SH3BP4: variants seen among roughly 807,000 people sequenced by gnomAD.
SH3BP4 encodes SH3 domain-binding protein 4.
In SH3BP4, 33 loss-of-function variants were observed where a neutral mutation model predicts 65.5. The ratio of observed to expected loss-of-function variants is 0.50; its 90% confidence interval spans 0.38 to 0.67. SH3BP4 has a LOEUF of 0.67. SH3BP4 is among the 30% of genes least tolerant of loss of function. The probability of loss-of-function intolerance (pLI) is 0.00; values close to 1 mark genes in which losing one functional copy is unlikely to be tolerated. For synonymous variants in SH3BP4, 552 were observed against 545.5 expected, an observed-to-expected ratio of 1.01 and a Z score of -0.17; for missense variants, 1,134 against 1,261.4, an observed-to-expected ratio of 0.90 and a Z score of 1.53.
intron 1 of SH3BP4, among the ~76,000 whole-genome samples, chr2:234,987,374 G>A (rs1693595079): frequency 6.6e-6 from 1 of 151,990 alleles, no homozygotes; most frequent in Admixed American, 6.6e-5. Flanking sequence ...TCTACAGGCT[G>A]GAAGAAAAAT....
In SH3BP4 at chr2:235,045,415, A is replaced by C. The variant is rs1048985533; in HGVS notation, c.2478+2168A>C. On this transcript the variant is annotated intron_variant, in intron 4 of 5. Transcript: ENST00000392011. The surrounding 1 kb of genome is among the most constrained non-coding windows in gnomAD (Gnocchi z 4.3). ...AGACATAAATGATCAAACTCTCTCA[A>C]TTCGATTGGTGAGCATCTCTGGGAG... Among the ~76,000 whole-genome samples, 1 of 151,986 alleles carries C rather than the reference A, an allele frequency of 6.6e-6. No individual in the cohort carries two copies. Among genetic ancestry groups the C allele is most frequent in the African/African-American group, 2.4e-5 (1 of 41,384 alleles).
At position 234,969,957 on chromosome 2, in the gene SH3BP4, TCA is replaced by T. The variant is rs879747581; in HGVS notation, c.-207+17799_-207+17800del. Among the ~76,000 whole-genome samples the T allele has an allele frequency of 3.5e-4, 48 of 136,814 alleles. No homozygotes were observed. The South Asian group carries it at 5.6e-3, about 16-fold the overall frequency. 89.8% of individuals were successfully genotyped at this position (136,814 alleles called of 152,430 possible). ...TGCATACACACACACTCCCTGTCTC[TCA>T]CACACACACACTCTCACACACACTC... is the stretch of plus-strand genomic sequence containing the variant. On this transcript the variant is annotated intron_variant, in intron 1 of 5. Coordinates refer to ENST00000392011, the MANE Select transcript of SH3BP4 (RefSeq NM_014521.3).
In SH3BP4 at chr2:235,045,507, C is replaced by T. The variant is rs981889369; in HGVS notation, c.2478+2260C>T. Among the ~76,000 whole-genome samples the T allele has an allele frequency of 1.3e-4, 20 of 152,170 alleles. No homozygotes were observed. The highest frequency in any genetic ancestry group is 2.9e-4 in the African/African-American group (12 of 41,502). On this transcript the variant is annotated intron_variant, in intron 4 of 5. Transcript: ENST00000392011. This position sits in a 1 kb window ranked among gnomAD's most constrained non-coding sequence, Gnocchi z 4.3. The stretch of plus-strand genomic sequence containing the variant: ...TGTGTCCTCTGTGCCCGAGTCCTTC[C>T]GCTACCCAGAAAGGAGGAAGTGAAA...
intron 2 of SH3BP4, among the ~76,000 whole-genome samples, chr2:235,009,427 C>T (rs1021945650): frequency 2.0e-5 from 3 of 152,140 alleles, no homozygotes; most frequent in African/African-American, 7.2e-5. Context: ...GGAGAGGGGC[C>T]GTGGTGTGGT....
At chr2:234,993,760 C>T (rs536142899) in intron 1 of SH3BP4, among the ~76,000 whole-genome samples, 1 of 152,332 alleles carries the variant, frequency 6.6e-6, no homozygotes, top group Admixed American at 6.5e-5. Flanking sequence ...CTCTGAGCAA[C>T]ATGGTAGACC....
intron 1 of SH3BP4, among the ~76,000 whole-genome samples, chr2:234,953,447 C>A: frequency 6.6e-6 from 1 of 152,154 alleles, no homozygotes; most frequent in East Asian, 1.9e-4. Context: ...CCTACCCGGG[C>A]AGAATCTCTG....
In SH3BP4 at chr2:235,052,435, G is replaced by C; in HGVS notation, c.2479-127G>C. 1.5e-6 allele frequency: 1 copy of C among 666,732 alleles called. No individual in the cohort carries two copies. The highest frequency in any genetic ancestry group is 2.4e-6 in the Non-Finnish European group (1 of 413,308). The allele number at this position is 666,732 out of a possible 1,614,324, so 41.3% of individuals were successfully genotyped here. On this transcript the variant is annotated intron_variant, in intron 4 of 5. Coordinates refer to ENST00000392011, the MANE Select transcript of SH3BP4 (RefSeq NM_014521.3). This position sits in a 1 kb window ranked among gnomAD's most constrained non-coding sequence, Gnocchi z 5.0. ...GATCGATTTCAGGGGACATTTGGTA[G>C]TAGGCCAGGGAACATGGAGAATAGA...
At chr2:235,009,298 T>C (rs1213929586) in intron 2 of SH3BP4, among the ~76,000 whole-genome samples, 1 of 152,122 alleles carries the variant, frequency 6.6e-6, no homozygotes, top group Non-Finnish European at 1.5e-5. Context: ...CAAAGGCAGT[T>C]GTCCCCTCCA....
intron 2 of SH3BP4, among the ~76,000 whole-genome samples, chr2:235,025,304 C>T (rs1180610375): frequency 6.6e-6 from 1 of 152,122 alleles, no homozygotes; most frequent in Non-Finnish European, 1.5e-5. Flanking sequence ...ACTAGGGAAG[C>T]GAGCCAAGGT....
At chr2:234,985,298 C>T (rs1693512699) in intron 1 of SH3BP4, among the ~76,000 whole-genome samples, 1 of 152,194 alleles carries the variant, frequency 6.6e-6, no homozygotes, top group African/African-American at 2.4e-5. Context: ...AGATTTGAGT[C>T]ACCTGCCAAC....
chr2:234,957,888 G>A lies in SH3BP4; in HGVS notation c.-207+5718G>A, dbSNP rs147242164. On this transcript the variant is annotated intron_variant, in intron 1 of 5. Transcript: ENST00000392011. The stretch of plus-strand genomic sequence containing the variant: ...AGGGAATGTTTTTCCTTAAGGCCTC[G>A]TAGAGGGTGAGGAAGTGCTGGGCTA... Among the ~76,000 whole-genome samples, 5 of 152,236 alleles carry A rather than the reference G, an allele frequency of 3.3e-5. No homozygotes were observed. In the East Asian group the frequency reaches 5.8e-4, roughly 18 times the overall value.
chr2:234,970,051 A>T (rs56268793), intron 1 of SH3BP4, among the ~76,000 whole-genome samples: 23,193 of 147,720 alleles, frequency 0.16, 3,270 homozygotes, highest in East Asian at 0.7. Flanking sequence ...ACTTACTCAC[A>T]CACACTCATA....
chr2:235,019,110 T>G (rs1348586067), intron 2 of SH3BP4, among the ~76,000 whole-genome samples: 1 of 152,188 alleles, frequency 6.6e-6, no homozygotes, highest in African/African-American at 2.4e-5. Flanking sequence ...CCTCGGGGCC[T>G]AGTCAAGAGG....
intron 2 of SH3BP4, among the ~76,000 whole-genome samples, chr2:235,008,965 G>A (rs754693155): frequency 8.5e-5 from 13 of 152,234 alleles, no homozygotes; most frequent in African/African-American, 2.4e-5. Flanking sequence ...GCTTACAGGG[G>A]CTGGGCTGAC....
rs761598540 is a variant in SH3BP4 at position 235,043,259 on chromosome 2, G to C, written c.2478+12G>C. The stretch of plus-strand genomic sequence containing the variant: ...AGGAGCTTGTGATGGTGAGTGCTCA[G>C]CAGGTGCCTGGGCGTTCAGGGGTGC... On this transcript the variant is annotated intron_variant, in intron 4 of 5. Coordinates refer to ENST00000392011, the MANE Select transcript of SH3BP4 (RefSeq NM_014521.3). The C allele has an allele frequency of 1.5e-5, 23 of 1,547,714 alleles. 1 individual carries two copies. The South Asian group carries it at 2.7e-4, about 18-fold the overall frequency.
intron 3 of SH3BP4, among the ~76,000 whole-genome samples, chr2:235,038,273 A>AAT (rs1553567294): frequency 4.2e-4 from 11 of 26,050 alleles, no homozygotes; most frequent in African/African-American, 1.3e-3. Flanking sequence ...TATTATATAT[A>AAT]ATATATATTA....
rs531126105 is a variant in SH3BP4, at chr2:235,034,133, C to T, written c.-132-738C>T. 1.6e-4 allele frequency among the ~76,000 whole-genome samples: 24 copies of T among 152,234 alleles called. No individual in the cohort carries two copies. Among genetic ancestry groups the T allele is most frequent in the African/African-American group, 5.3e-4 (22 of 41,540 alleles). On this transcript the variant is annotated intron_variant, in intron 2 of 5. Coordinates refer to ENST00000392011, the MANE Select transcript of SH3BP4 (RefSeq NM_014521.3). The surrounding 1 kb of genome is among the most constrained non-coding windows in gnomAD (Gnocchi z 6.2). ...CCTCATTCATATCCAGAACCCCCCA[C>T]ATGCTTCAGTCCTGTCTGTGCGCCC...
chr2:235,015,396 G>C (rs1326029688), intron 2 of SH3BP4, among the ~76,000 whole-genome samples: 1 of 152,226 alleles, frequency 6.6e-6, no homozygotes, highest in Admixed American at 6.5e-5. Context: ...CCCCAGGCCT[G>C]TGCCACATTA....
chr2:235,028,171 C>T (rs1321730572), intron 2 of SH3BP4, among the ~76,000 whole-genome samples: 1 of 152,204 alleles, frequency 6.6e-6, no homozygotes, highest in African/African-American at 2.4e-5. Flanking sequence ...TCAAATGCGC[C>T]TTCCTGTCTT....
Sources: allele counts gnomAD v4.1 joint callset (sites outside exome capture counted in the v4.1 genomes callset), GRCh38; gene constraint gnomAD v4.1.1; non-coding constraint Gnocchi (gnomAD v3.1); transcripts MANE v1.5; gene names NCBI Gene and HGNC (gene_info 2026-07-23, HGNC 2026-07-21).